Variants in RARB observed in about 807,000 individuals in gnomAD.
The protein encoded by RARB is retinoic acid receptor beta.
In RARB, 17 loss-of-function variants were observed where a neutral mutation model predicts 51.9. The ratio of observed to expected loss-of-function variants is 0.33; its 90% CI spans 0.22 to 0.49. RARB has a LOEUF of 0.49. Among genes scored for constraint, RARB ranks in the 20% least tolerant of loss-of-function variants. RARB has a pLI of 0.99. For missense variants in RARB, 369 were observed against 550.8 expected (o/e 0.67, Z 3.30); for synonymous variants, 215 against 195.4 (o/e 1.10, Z -0.84).
rs1008982717 is a variant in RARB, at chr3:25,457,145, A to G, written c.158-4048A>G. ...TAGCTCCATTCTCAGACATTCTGGCATAATAGATCTGGGATACAACTTGGT... is the reference window on the plus strand; with the variant it reads ...TAGCTCCATTCTCAGACATTCTGGCGTAATAGATCTGGGATACAACTTGGT... On this transcript the variant is annotated intron_variant, in intron 1 of 7. Transcript: ENST00000330688. Among the ~76,000 whole-genome samples the G allele has an allele frequency of 2.0e-5, 3 of 152,248 alleles. 1 individual carries two copies. Among genetic ancestry groups the G allele is most frequent in the African/African-American group, 7.2e-5 (3 of 41,544 alleles).
intron 3 of RARB, among the ~76,000 whole-genome samples, chr3:25,066,842 T>C (rs1211830521): frequency 6.6e-6 from 1 of 152,180 alleles, no homozygotes; most frequent in Middle Eastern, 3.2e-3. Context: ...TAATAAGTTA[T>C]CATCTGAAAA....
chr3:25,343,022 CTT>C (rs1273622608), intron 5 of RARB, among the ~76,000 whole-genome samples: 124 of 89,466 alleles, frequency 1.4e-3, no homozygotes, highest in African/African-American at 5.9e-3. Context: ...TTTGCAAGTA[CTT>C]TGTGTGTGTG....
chr3:24,905,750 G>C (rs1367142982), intron 2 of RARB, among the ~76,000 whole-genome samples: 1 of 152,158 alleles, frequency 6.6e-6, no homozygotes, highest in Non-Finnish European at 1.5e-5. Flanking sequence ...GCCTTTAAAA[G>C]CATCACTGAG....
intron 5 of RARB, among the ~76,000 whole-genome samples, chr3:25,298,450 A>T (rs997200692): frequency 6.6e-6 from 1 of 152,108 alleles, no homozygotes; most frequent in African/African-American, 2.4e-5. Flanking sequence ...GTACATGCTT[A>T]AAAACTCAGC....
intron 2 of RARB, among the ~76,000 whole-genome samples, chr3:25,038,875 T>C (rs1310983252): frequency 7.9e-5 from 12 of 152,196 alleles, no homozygotes; most frequent in Admixed American, 7.2e-4. Context: ...CTCTGTTGTT[T>C]TAAGTAAAAA....
chr3:25,339,695 G>A (rs1705166665), intron 5 of RARB, among the ~76,000 whole-genome samples: 1 of 151,552 alleles, frequency 6.6e-6, no homozygotes, highest in Admixed American at 6.6e-5. Flanking sequence ...TTGCTCTCTT[G>A]GATCCTGTGT....
At chr3:25,508,494 T>C (rs1443611395) in intron 3 of RARB, among the ~76,000 whole-genome samples, 1 of 152,226 alleles carries the variant, frequency 6.6e-6, no homozygotes, top group African/African-American at 2.4e-5. Flanking sequence ...GCTCATTGGT[T>C]CTACTGCTGG....
intron 2 of RARB, among the ~76,000 whole-genome samples, chr3:24,904,955 T>C (rs954851842): frequency 1.3e-4 from 20 of 151,938 alleles, no homozygotes; most frequent in Non-Finnish European, 1.5e-4. Flanking sequence ...TAAGTGGGAG[T>C]TGAACAATGA....
intron 3 of RARB, among the ~76,000 whole-genome samples, chr3:25,089,853 C>G (rs9820612): frequency 0.73 from 110,261 of 151,964 alleles, 40,647 homozygotes; most frequent in Admixed American, 0.81. Context: ...CTAGTTAAAT[C>G]TGAATCCTTT....
At chr3:25,185,487 G>A (rs991049296) in intron 5 of RARB, among the ~76,000 whole-genome samples, 1 of 152,034 alleles carries the variant, frequency 6.6e-6, no homozygotes, top group African/African-American at 2.4e-5. Flanking sequence ...TTGCTTAACG[G>A]TTGTGAAATT....
At chr3:25,301,035 T>G (rs976539342) in intron 5 of RARB, among the ~76,000 whole-genome samples, 4 of 152,184 alleles carry the variant, frequency 2.6e-5, no homozygotes, top group African/African-American at 9.7e-5. Flanking sequence ...TCAACTTAGA[T>G]TTTTCGACTA....
At chr3:25,173,936 G>A (rs916912128) in intron 4 of RARB, among the ~76,000 whole-genome samples, 1 of 152,132 alleles carries the variant, frequency 6.6e-6, no homozygotes, top group African/African-American at 2.4e-5. Flanking sequence ...TTTAAATTGA[G>A]TAAAAGTTGT....
At chr3:25,429,861 T>C (rs147602926) in intron 1 of RARB, among the ~76,000 whole-genome samples, 1 of 152,358 alleles carries the variant, frequency 6.6e-6, no homozygotes, top group Non-Finnish European at 1.5e-5. Flanking sequence ...CTCAGCTATC[T>C]ATCAAAATGT....
intron 2 of RARB, among the ~76,000 whole-genome samples, chr3:25,015,732 G>A (rs905992044): frequency 3.3e-5 from 5 of 152,142 alleles, no homozygotes; most frequent in African/African-American, 4.8e-5. Flanking sequence ...TTTTTGGTCA[G>A]ACAGGAAGTA....
chr3:24,832,590 T>A (rs1324200521), intron 1 of RARB, among the ~76,000 whole-genome samples: 1 of 131,430 alleles, frequency 7.6e-6, no homozygotes, highest in Non-Finnish European at 1.6e-5. Flanking sequence ...CAAGGATGAG[T>A]TAGACTCATC....
chr3:24,911,056 T>C (rs1279023277), intron 2 of RARB, among the ~76,000 whole-genome samples: 1 of 152,246 alleles, frequency 6.6e-6, no homozygotes, highest in African/African-American at 2.4e-5. Flanking sequence ...TGACTTCATA[T>C]TTTATTTTAT....
At chr3:25,441,874 G>A (rs1708701454) in intron 1 of RARB, among the ~76,000 whole-genome samples, 1 of 152,088 alleles carries the variant, frequency 6.6e-6, no homozygotes, top group South Asian at 2.1e-4. Flanking sequence ...TGCTAATATA[G>A]TACTTGGTCT....
intron 5 of RARB, among the ~76,000 whole-genome samples, chr3:25,414,103 T>G (rs1207235545): frequency 6.6e-6 from 1 of 151,980 alleles, no homozygotes; most frequent in East Asian, 1.9e-4. Context: ...AGGCAACCAC[T>G]GATTTCCTTG....
At chr3:25,394,497 A>G (rs549558981) in intron 5 of RARB, among the ~76,000 whole-genome samples, 1 of 152,136 alleles carries the variant, frequency 6.6e-6, no homozygotes, top group Non-Finnish European at 1.5e-5. Flanking sequence ...TGAGTGGAGT[A>G]CTGAAGTCCC....
Sources: allele counts gnomAD v4.1 joint callset (sites outside exome capture counted in the v4.1 genomes callset), GRCh38; gene constraint gnomAD v4.1.1; transcripts MANE v1.5; gene names NCBI Gene and HGNC (gene_info 2026-07-23, HGNC 2026-07-21).